Variants in RELN observed in about 807,000 individuals in gnomAD.
RELN encodes the protein reelin.
A neutral mutation model predicts 427.6 loss-of-function variants in RELN; 108 were observed. The ratio of observed to expected loss-of-function variants is 0.25; its 90% CI spans 0.22 to 0.30. RELN has a LOEUF of 0.30. Among genes scored for constraint, RELN ranks in the 10% least tolerant of loss-of-function variants. RELN has a pLI of 1.00. For synonymous variants in RELN, 1,524 were observed against 1,513.4 expected (o/e 1.01, Z -0.16); for missense variants, 3,715 against 4,302.8 (o/e 0.86, Z 3.82).
chr7:103,590,588 AT>A (rs1831389564), intron 27 of RELN, among the ~76,000 whole-genome samples: 4 of 151,422 alleles, frequency 2.6e-5, no homozygotes, highest in Non-Finnish European at 5.9e-5. Context: ...AAATAAATAA[AT>A]AAATAAATAA....
chr7:103,562,654 T>C (rs2117180453), intron 34 of RELN, among the ~76,000 whole-genome samples: 1 of 152,362 alleles, frequency 6.6e-6, no homozygotes, highest in East Asian at 1.9e-4. Flanking sequence ...TTATGTGGAA[T>C]GTGGAACACA....
intron 8 of RELN, among the ~76,000 whole-genome samples, chr7:103,721,651 T>C (rs493189): frequency 0.14 from 20,582 of 152,136 alleles, 1,501 homozygotes; most frequent in Middle Eastern, 0.3. Context: ...CACCCTTGAA[T>C]AAAGTACAAA....
In RELN at chr7:103,833,525, T is replaced by A. The variant is rs1254094098; in HGVS notation, c.473+12A>T. The A allele has an allele frequency of 1.4e-5, 23 of 1,613,068 alleles. No individual in the cohort carries two copies. The highest frequency in any genetic ancestry group is 1.7e-5 in the Non-Finnish European group (20 of 1,179,214). On this transcript the variant is annotated intron_variant, in intron 3 of 64. Transcript: ENST00000428762. ...GCCTTCTGTACGTATGGCAGACACTTTGGGTACTTACATGAAATTCACACA... is the reference window on the plus strand; with the variant it reads ...GCCTTCTGTACGTATGGCAGACACTATGGGTACTTACATGAAATTCACACA...
chr7:103,786,915 C>T (rs752178116), intron 3 of RELN, among the ~76,000 whole-genome samples: 6 of 152,158 alleles, frequency 3.9e-5, no homozygotes, highest in Non-Finnish European at 7.4e-5. Flanking sequence ...CTCAGCACCA[C>T]ATCACACTTA....
At chr7:103,575,329 T>C (rs1830974843) in intron 29 of RELN, among the ~76,000 whole-genome samples, 1 of 152,216 alleles carries the variant, frequency 6.6e-6, no homozygotes, top group Non-Finnish European at 1.5e-5. Flanking sequence ...AAATCCTCTT[T>C]AGGAAATGAA....
chr7:103,933,587 G>A (rs1795911764), intron 1 of RELN, among the ~76,000 whole-genome samples: 1 of 152,076 alleles, frequency 6.6e-6, no homozygotes, highest in Admixed American at 6.6e-5. Flanking sequence ...TTTCTATGCT[G>A]TATCCTACCT....
intron 1 of RELN, among the ~76,000 whole-genome samples, chr7:103,966,421 A>G (rs763841445): frequency 1.3e-5 from 2 of 152,232 alleles, no homozygotes. Context: ...CACAATACCC[A>G]GAGGAAACCC....
chr7:103,665,358 GTGTGTATATATATA>G (rs1255381350), intron 11 of RELN, among the ~76,000 whole-genome samples: 1 of 131,304 alleles, frequency 7.6e-6, no homozygotes, highest in African/African-American at 3.0e-5. Context: ...GTGTGTGTGT[GTGTGTATATATATA>G]TATATATATA....
chr7:103,575,736 G>C (rs1562900613), intron 28 of RELN, 31 bp from the exon 29 acceptor site: 1 of 1,612,494 alleles, frequency 6.2e-7, no homozygotes, highest in South Asian at 1.1e-5. Flanking sequence ...CCTGTTTCTT[G>C]TACCAACATC....
chr7:103,759,544 T>C (rs988884108), intron 4 of RELN, among the ~76,000 whole-genome samples: 1 of 152,100 alleles, frequency 6.6e-6, no homozygotes, highest in Non-Finnish European at 1.5e-5. Flanking sequence ...TCTGTGTTGG[T>C]GATAGTTCTA....
At chr7:103,589,862 T>A (rs1468855982) in intron 27 of RELN, 34 bp from the exon 28 acceptor site, 1 of 1,446,974 alleles carries the variant, frequency 6.9e-7, no homozygotes, top group South Asian at 1.1e-5. Flanking sequence ...TATACAAGAT[T>A]TTGGTTCTAA....
At chr7:103,505,526 C>T (rs1829179947) in intron 51 of RELN, among the ~76,000 whole-genome samples, 1 of 152,182 alleles carries the variant, frequency 6.6e-6, no homozygotes, top group African/African-American at 2.4e-5. Flanking sequence ...AGTATCAATA[C>T]CAACAAAAAG....
chr7:103,723,895 C>G (rs1168019041), intron 7 of RELN, among the ~76,000 whole-genome samples: 4 of 152,102 alleles, frequency 2.6e-5, no homozygotes, highest in African/African-American at 9.7e-5. Context: ...GCTACTTTTC[C>G]TTAGTTTCAT....
In RELN at chr7:103,953,540, A is replaced by G. The variant is rs1182494792; in HGVS notation, c.226+35591T>C. Among the ~76,000 whole-genome samples, 3 of 152,254 alleles carry G rather than the reference A, an allele frequency of 2.0e-5. No homozygotes were observed. The highest frequency in any genetic ancestry group is 2.1e-4 in the South Asian group (1 of 4,834). ...GACATACACACACACAGAATTTTAT[A>G]TAAAGAATATTAAATATGCCAATCT... On this transcript the variant is annotated intron_variant, in intron 1 of 64. Transcript: ENST00000428762. This position sits in a 1 kb window ranked among gnomAD's most constrained non-coding sequence, Gnocchi z 4.3.
intron 46 of RELN, among the ~76,000 whole-genome samples, chr7:103,528,204 A>G (rs1420376764): frequency 1.3e-5 from 2 of 152,276 alleles, no homozygotes; most frequent in African/African-American, 4.8e-5. Flanking sequence ...AAAATGGAAT[A>G]TTAATCAGCT....
chr7:103,581,935 C>CA (rs951348282), intron 28 of RELN, among the ~76,000 whole-genome samples: 2 of 151,966 alleles, frequency 1.3e-5, no homozygotes, highest in African/African-American at 4.8e-5. Flanking sequence ...GCCAACCCCA[C>CA]AAAACCATGA....
chr7:103,494,841 T>G lies in RELN; in HGVS notation c.9369+882A>C, dbSNP rs1192985889. ...CAACAGGACTAATGTAGTATAGGCA[T>G]ATGAAGTCAGAGACACAAGAAAATA... On this transcript the variant is annotated intron_variant, in intron 57 of 64. Coordinates refer to ENST00000428762, the MANE Select transcript of RELN (RefSeq NM_005045.4). 2.0e-5 allele frequency among the ~76,000 whole-genome samples: 3 copies of G among 151,894 alleles called. No homozygotes were observed. The South Asian group carries it at 6.2e-4, about 31-fold the overall frequency.
intron 41 of RELN, among the ~76,000 whole-genome samples, chr7:103,550,606 G>A (rs1011899883): frequency 1.3e-5 from 2 of 148,950 alleles, no homozygotes; most frequent in African/African-American, 2.5e-5. Flanking sequence ...TGGGGGCAAC[G>A]TGCTAACTTT....
intron 43 of RELN, 45 bp from the exon 44 acceptor site, chr7:103,540,500 A>G (rs373669691): frequency 6.2e-7 from 1 of 1,600,286 alleles, no homozygotes. Context: ...TCCAAAAGAA[A>G]TCCACATGCT....
Sources: gnomAD v4.1 joint callset for allele counts (sites outside exome capture counted in the v4.1 genomes callset) on GRCh38, gnomAD v4.1.1 for gene constraint, Gnocchi (gnomAD v3.1) non-coding constraint, MANE v1.5 for transcripts, NCBI Gene and HGNC (gene_info 2026-07-23, HGNC 2026-07-21) for gene names.